The following SOD2 variants were observed in gnomAD, a reference collection of about 807,000 sequenced individuals.
SOD2 encodes the protein superoxide dismutase 2, also known as superoxide dismutase [Mn], mitochondrial.
In SOD2, 11 loss-of-function variants were observed where a neutral mutation model predicts 27.0. The ratio of observed to expected loss-of-function variants is 0.41; its 90% CI spans 0.26 to 0.67. The LOEUF is 0.67. SOD2 is among the 30% of genes least tolerant of loss of function. SOD2 has a pLI of 0.34. For synonymous variants in SOD2, 105 were observed against 103.0 expected, an observed-to-expected ratio of 1.02 and a Z score of -0.12; for missense variants, 250 against 274.5, an observed-to-expected ratio of 0.91 and a Z score of 0.63.
In SOD2 at chr6:159,680,538, G is replaced by A. The variant is rs891702723; in HGVS notation, c.*1955C>T. On this transcript the variant is annotated 3_prime_UTR_variant, in exon 5 of 5. Transcript: ENST00000538183. ...CAGTCTTCAATATTGAAACTGCTAA[G>A]TTACCCCATTTTTCCATGAAAAAAA... 1 of 151,130 alleles carries A rather than the reference G, an allele frequency of 6.6e-6. No individual in the cohort carries two copies. The highest frequency in any genetic ancestry group is 1.5e-5 in the Non-Finnish European group (1 of 67,924). The allele number at this position is 151,130 out of a possible 1,614,324, so 9.4% of individuals were successfully genotyped here. A position where few individuals can be genotyped will look rare whatever the true frequency, so the allele number is the denominator to read the frequency against.
In SOD2 at chr6:159,693,208, T is replaced by TGAAGCCGCTGCC; in HGVS notation, c.-53_-42dup. The TGAAGCCGCTGCC allele has an allele frequency of 6.6e-7, 1 of 1,507,028 alleles. No homozygotes were observed. Among genetic ancestry groups the TGAAGCCGCTGCC allele is most frequent in the Non-Finnish European group, 8.9e-7 (1 of 1,123,760 alleles). The allele number at this position is 1,507,028 out of a possible 1,614,324, so 93.4% of individuals were successfully genotyped here. On this transcript the variant is annotated 5_prime_UTR_variant, in exon 1 of 5. Coordinates refer to ENST00000538183, the MANE Select transcript of SOD2 (RefSeq NM_000636.4). ...GCTACCGCTGATGCCGCCGATCTGC[T>TGAAGCCGCTGCC]GAAGCCGCTGCCGAAGCCACCACAG... is the stretch of plus-strand genomic sequence containing the variant.
intron 1 of SOD2, chr6:159,714,048 A>G: frequency 1.6e-6 from 1 of 636,734 alleles, no homozygotes; most frequent in Non-Finnish European, 2.8e-6. Context: ...GTAGTGGGCA[A>G]TTATCCTCCT....
upstream of SOD2, among the ~76,000 whole-genome samples, chr6:159,694,760 T>TG (rs1442044081): frequency 1.4e-5 from 1 of 72,992 alleles, no homozygotes; most frequent in African/African-American, 4.5e-5. Context: ...CACGCCCCAC[T>TG]ATTTTTTTTT....
chr6:159,684,777 T>TA, intron 4 of SOD2, 77 bp downstream of exon 4: 2 of 1,154,900 alleles, frequency 1.7e-6, no homozygotes, highest in Non-Finnish European at 2.4e-6. Context: ...AAAACACTGT[T>TA]AGTTTTCCTT....
At chr6:159,727,554 C>T, upstream of SOD2, 1 of 988,720 alleles carries the variant, frequency 1.0e-6, no homozygotes, top group Non-Finnish European at 1.2e-6. Flanking sequence ...TAAAGGGGAG[C>T]GCAGGGGTTG....
At chr6:159,762,177 G>A in exon 1 of SOD2, 2 of 1,597,476 alleles carry the variant, frequency 1.3e-6, no homozygotes, top group Non-Finnish European at 1.7e-6. Context: ...AGAGTCCGAG[G>A]CGCCTGCTGC....
chr6:159,672,862 G>A lies in SOD2; in HGVS notation c.*9631C>T, dbSNP rs1779698754. The A allele has an allele frequency of 6.6e-6, 1 of 151,466 alleles. No homozygotes were observed. Among genetic ancestry groups the A allele is most frequent in the African/African-American group, 2.4e-5 (1 of 41,234 alleles). 9.4% of individuals were successfully genotyped at this position (151,466 alleles called of 1,614,324 possible). On this transcript the variant is annotated 3_prime_UTR_variant, in exon 5 of 5. Transcript: ENST00000538183. ...TCAGGAAACCCATCTCACGTACAGA[G>A]ACACACACACATAGGCTCAAAATAA...
chr6:159,713,970 CT>C, intron 1 of SOD2: 1 of 835,400 alleles, frequency 1.2e-6, no homozygotes, highest in Non-Finnish European at 1.9e-6. Flanking sequence ...CCCTCCCTGC[CT>C]TCCGTGCTCA....
chr6:159,687,626 C>A (rs576740469), intron 3 of SOD2, among the ~76,000 whole-genome samples: 1 of 152,330 alleles, frequency 6.6e-6, no homozygotes, highest in East Asian at 1.9e-4. Context: ...AAAGCATTCT[C>A]CATTCCTACT....
chr6:159,738,038 A>G (rs952831440), intron 1 of SOD2, among the ~76,000 whole-genome samples: 6 of 152,198 alleles, frequency 3.9e-5, no homozygotes, highest in African/African-American at 1.4e-4. Context: ...ATAACTGTGA[A>G]AATCAGGGAA....
chr6:159,749,551 T>C (rs1284274106), upstream of SOD2: 5 of 574,052 alleles, frequency 8.7e-6, no homozygotes, highest in Non-Finnish European at 8.8e-6. Context: ...TGCTGTGCTC[T>C]TCAAAGTGAA....
chr6:159,712,845 G>T, intron 1 of SOD2: 1 of 600,598 alleles, frequency 1.7e-6, no homozygotes, highest in Non-Finnish European at 3.2e-6. Flanking sequence ...ACCACCACTT[G>T]CCCCTGCTGT....
upstream of SOD2, among the ~76,000 whole-genome samples, chr6:159,728,030 G>A (rs1020208281): frequency 6.6e-6 from 1 of 152,244 alleles, no homozygotes; most frequent in South Asian, 2.1e-4. Context: ...TCGCCTCGGG[G>A]TCGCCCCCTT....
upstream of SOD2, among the ~76,000 whole-genome samples, chr6:159,727,868 G>A (rs1343556998): frequency 6.6e-6 from 1 of 152,230 alleles, no homozygotes. Context: ...CCGCCTGCGG[G>A]GAACACTTCC....
At chr6:159,724,622 G>T (rs1283675263) in intron 1 of SOD2, among the ~76,000 whole-genome samples, 3 of 152,152 alleles carry the variant, frequency 2.0e-5, no homozygotes, top group Non-Finnish European at 4.4e-5. Context: ...CATTTTGGGA[G>T]GCTAGGTGGG....
intron 2 of SOD2, 62 bp downstream of exon 2, chr6:159,692,599 G>C: frequency 1.2e-6 from 2 of 1,602,644 alleles, no homozygotes; most frequent in Non-Finnish European, 1.7e-6. Context: ...TCCGTATGGG[G>C]CCTGGCTCCC....
At chr6:159,757,979 C>CT (rs1780049297) in intron 1 of SOD2, among the ~76,000 whole-genome samples, 1 of 152,180 alleles carries the variant, frequency 6.6e-6, no homozygotes, top group African/African-American at 2.4e-5. Flanking sequence ...GTTAATGTGA[C>CT]ATTTTCATGT....
chr6:159,682,360 T>C lies in SOD2; in HGVS notation c.*133A>G, dbSNP rs535726513. The C allele has an allele frequency of 1.9e-5, 12 of 632,730 alleles. No individual in the cohort carries two copies. The highest frequency in any genetic ancestry group is 9.4e-4 in the Middle Eastern group (2 of 2,134). The allele number at this position is 632,730 out of a possible 1,614,324, so 39.2% of individuals were successfully genotyped here. A position where few individuals can be genotyped will look rare whatever the true frequency, so the allele number is the denominator to read the frequency against. On this transcript the variant is annotated 3_prime_UTR_variant, in exon 5 of 5. Coordinates refer to ENST00000538183, the MANE Select transcript of SOD2 (RefSeq NM_000636.4). ...GTAAGAAATTATTCAGAACATTAAG[T>C]TGTTTATGAAATAAGTGACTAAGCA... is the stretch of plus-strand genomic sequence containing the variant.
chr6:159,671,803 G>A lies in SOD2; in HGVS notation c.*10690C>T, dbSNP rs1316177520. ...ATGATCAAACTTCTCCAAGCTAAAA[G>A]AGGAAGTTCGAACCCATCACAAAGA... is the stretch of plus-strand genomic sequence containing the variant. On this transcript the variant is annotated 3_prime_UTR_variant, in exon 5 of 5. Coordinates refer to ENST00000538183, the MANE Select transcript of SOD2 (RefSeq NM_000636.4). The A allele has an allele frequency of 1.3e-5, 2 of 152,142 alleles. No homozygotes were observed. Among genetic ancestry groups the A allele is most frequent in the East Asian group, 3.8e-4 (2 of 5,202 alleles). The allele number at this position is 152,142 out of a possible 1,614,324, so 9.4% of individuals were successfully genotyped here. A position where few individuals can be genotyped will look rare whatever the true frequency, so the allele number is the denominator to read the frequency against.
Sources: allele counts gnomAD v4.1 joint callset (sites outside exome capture counted in the v4.1 genomes callset), GRCh38; gene constraint gnomAD v4.1.1; transcripts MANE v1.5; gene names NCBI Gene and HGNC (gene_info 2026-07-23, HGNC 2026-07-21).